Variants in CACNG6 observed in about 807,000 individuals in gnomAD.
CACNG6 encodes the protein calcium voltage-gated channel auxiliary subunit gamma 6.
A neutral mutation model predicts 23.9 loss-of-function variants in CACNG6; 21 were observed. The observed-to-expected ratio is 0.88, with a 90% CI of 0.62 to 1.26. The LOEUF is 1.26. Ranked by LOEUF, CACNG6 falls within the 50% of genes most tolerant of loss-of-function variation. CACNG6 has a pLI of 0.00. For missense variants in CACNG6, 340 were observed against 352.9 expected (o/e 0.96, Z 0.29); for synonymous variants, 182 against 168.9 (o/e 1.08, Z -0.60).
chr19:54,003,558 T>G (rs927248536), intron 3 of CACNG6, among the ~76,000 whole-genome samples: 7 of 151,922 alleles, frequency 4.6e-5, no homozygotes, highest in African/African-American at 1.5e-4. Flanking sequence ...ACTGGGTTTC[T>G]CCATGTTGGC....
In CACNG6 at chr19:53,992,835, C is replaced by T. The variant is rs1318162227; in HGVS notation, c.-43C>T. 2.2e-6 allele frequency: 3 copies of T among 1,335,350 alleles called. No individual in the cohort carries two copies. In the East Asian group the frequency reaches 8.5e-5, roughly 38 times the overall value. The allele number at this position is 1,335,350 out of a possible 1,614,324, so 82.7% of individuals were successfully genotyped here. A position where few individuals can be genotyped will look rare whatever the true frequency, so the allele number is the denominator to read the frequency against. ...CGCTCCCGCCCCTCGAGGCCCTTCG[C>T]CGGCTCTGCCTCCTCCCCCTTCCCG... On this transcript the variant is annotated 5_prime_UTR_variant, in exon 1 of 4. Coordinates refer to ENST00000252729, the MANE Select transcript of CACNG6 (RefSeq NM_145814.2). The surrounding 1 kb of genome is among the most constrained non-coding windows in gnomAD (Gnocchi z 4.1).
chr19:54,005,882 G>C (rs2069638583), intron 3 of CACNG6, among the ~76,000 whole-genome samples: 1 of 151,916 alleles, frequency 6.6e-6, no homozygotes, highest in Non-Finnish European at 1.5e-5. Flanking sequence ...TTAAGGCCAG[G>C]AGTTTGAGAC....
intron 3 of CACNG6, among the ~76,000 whole-genome samples, chr19:54,002,329 GC>G (rs1466606215): frequency 3.6e-5 from 5 of 139,982 alleles, no homozygotes; most frequent in Non-Finnish European, 6.0e-5. Flanking sequence ...TGTTGCCCAG[GC>G]TGGTCTCCAA....
chr19:53,996,863 A>ATTTTTTT (rs35192974), intron 1 of CACNG6, among the ~76,000 whole-genome samples: 28 of 98,562 alleles, frequency 2.8e-4, no homozygotes, highest in African/African-American at 3.9e-4. Flanking sequence ...GATCTTTGGG[A>ATTTTTTT]TTTTTTTTTT....
intron 3 of CACNG6, among the ~76,000 whole-genome samples, chr19:54,002,077 TTCTA>T (rs1331187896): frequency 6.6e-6 from 1 of 151,676 alleles, no homozygotes; most frequent in Non-Finnish European, 1.5e-5. Flanking sequence ...CTATGTCTCT[TTCTA>T]TCTCTCTCTT....
intron 3 of CACNG6, among the ~76,000 whole-genome samples, chr19:54,009,783 TAA>T (rs34786973): frequency 0.047 from 6,992 of 147,488 alleles, 509 homozygotes; most frequent in African/African-American, 0.15. Context: ...TTGCTTTTTT[TAA>T]AAAAAAAAAA....
chr19:53,997,758 TTC>T (rs902107314), intron 1 of CACNG6, among the ~76,000 whole-genome samples: 3 of 152,126 alleles, frequency 2.0e-5, no homozygotes, highest in Non-Finnish European at 4.4e-5. Context: ...GTCAACTGGG[TTC>T]TCTCTCTCTT....
At chr19:54,002,267 G>GTTTTTTTTTTTTTTTTTTT (rs138464456) in intron 3 of CACNG6, among the ~76,000 whole-genome samples, 1 of 131,932 alleles carries the variant, frequency 7.6e-6, no homozygotes, top group Non-Finnish European at 1.5e-5. Context: ...CTAATTTTCG[G>GTTTTTTTTTTTTTTTTTTT]TTTTTTTGTT....
Position 53,992,850 on chromosome 19 carries a change from C to A in CACNG6, c.-28C>A. On this transcript the variant is annotated 5_prime_UTR_variant, in exon 1 of 4. Coordinates refer to ENST00000252729, the MANE Select transcript of CACNG6 (RefSeq NM_145814.2). The surrounding 1 kb of genome is among the most constrained non-coding windows in gnomAD (Gnocchi z 4.1). ...AGGCCCTTCGCCGGCTCTGCCTCCT[C>A]CCCCTTCCCGACCCCACCGGCCATA... 7.3e-7 allele frequency: 1 copy of A among 1,363,438 alleles called. No individual in the cohort carries two copies. The allele number at this position is 1,363,438 out of a possible 1,614,324, so 84.5% of individuals were successfully genotyped here.
intron 3 of CACNG6, among the ~76,000 whole-genome samples, chr19:54,007,216 C>A (rs148342750): frequency 0.011 from 1,617 of 152,076 alleles, 17 homozygotes; most frequent in African/African-American, 0.036. Flanking sequence ...GCCTGGCTAA[C>A]TTTTGTATTT....
rs1418440455 is a variant in CACNG6 at position 53,992,874 on chromosome 19, T to G, written c.-4T>G. Reference sequence around the variant, plus strand: ...TCCCCCTTCCCGACCCCACCGGCCATAAGATGATGTGGTCCAACTTCTTCC... The same window carrying G: ...TCCCCCTTCCCGACCCCACCGGCCAGAAGATGATGTGGTCCAACTTCTTCC... On this transcript the variant is annotated 5_prime_UTR_variant, in exon 1 of 4. Coordinates refer to ENST00000252729, the MANE Select transcript of CACNG6 (RefSeq NM_145814.2). The surrounding 1 kb of genome is among the most constrained non-coding windows in gnomAD (Gnocchi z 4.1). 2 of 1,388,734 alleles carry G rather than the reference T, an allele frequency of 1.4e-6. No homozygotes were observed. The highest frequency in any genetic ancestry group is 3.0e-5 in the African/African-American group (2 of 66,522). 86.0% of individuals were successfully genotyped at this position (1,388,734 alleles called of 1,614,324 possible).
rs35192974 is a variant in CACNG6, at chr19:53,996,863, A to ATTTTT, written c.332-1357_332-1353dup. ...CTATTGATTTTGTCTGATCTTTGGG[A>ATTTTT]TTTTTTTTTTTTTTTTTTTTTTTGA... On this transcript the variant is annotated intron_variant, in intron 1 of 3. Transcript: ENST00000252729. 5.1e-4 allele frequency among the ~76,000 whole-genome samples: 50 copies of ATTTTT among 98,546 alleles called. 1 individual carries two copies. The highest frequency in any genetic ancestry group is 6.1e-4 in the African/African-American group (14 of 22,904). 64.7% of individuals were successfully genotyped at this position (98,546 alleles called of 152,430 possible). A position where few individuals can be genotyped will look rare whatever the true frequency, so the allele number is the denominator to read the frequency against.
chr19:54,010,036 C>CTTTTTTTTTTTTTTT (rs199976621), intron 3 of CACNG6, among the ~76,000 whole-genome samples: 2 of 97,920 alleles, frequency 2.0e-5, no homozygotes, highest in African/African-American at 4.0e-5. Flanking sequence ...TATTTCTTTT[C>CTTTTTTTTTTTTTTT]TTTCTTTTTT....
rs58054808 is a variant in CACNG6, at chr19:54,011,205, A to AAATATAT, written c.545-745_545-744insATATATA. 2.0e-3 allele frequency among the ~76,000 whole-genome samples: 200 copies of AAATATAT among 102,434 alleles called. 4 individuals are homozygous for AAATATAT. The East Asian group carries it at 0.023, about 12-fold the overall frequency. 67.2% of individuals were successfully genotyped at this position (102,434 alleles called of 152,430 possible). On this transcript the variant is annotated intron_variant, in intron 3 of 3. Coordinates refer to ENST00000252729, the MANE Select transcript of CACNG6 (RefSeq NM_145814.2). Reference sequence around the variant, plus strand: ...CCGTCTCTACTAAAAAAAAAAAAAAAATATATATATATATATATATATACA... The same window carrying AAATATAT: ...CCGTCTCTACTAAAAAAAAAAAAAAAAATATATATATATATATATATATATATATACA...
rs2069540087 is a variant in CACNG6 at position 53,998,230 on chromosome 19, C to T, written c.332-9C>T. ...CCTCATGTCTGTTTTCTCTCTCCTG[C>T]TCCCACAGAAGCAAACTGCACCTAT... On this transcript the variant is annotated splice_polypyrimidine_tract_variant and intron_variant, in intron 1 of 3. Transcript: ENST00000252729. The T allele has an allele frequency of 5.0e-6, 8 of 1,612,980 alleles. No homozygotes were observed. Among genetic ancestry groups the T allele is most frequent in the Non-Finnish European group, 5.1e-6 (6 of 1,179,126 alleles).
intron 2 of CACNG6, 58 bp from the exon 3 acceptor site, chr19:53,999,576 A>C: frequency 6.3e-7 from 1 of 1,581,454 alleles, no homozygotes; most frequent in Non-Finnish European, 8.6e-7. Flanking sequence ...CTATGGGTGA[A>C]TCCTCCTCAT....
intron 3 of CACNG6, among the ~76,000 whole-genome samples, chr19:54,001,210 CAG>C (rs1386825933): frequency 4.1e-5 from 6 of 145,340 alleles, no homozygotes; most frequent in African/African-American, 1.6e-4. Context: ...TTTTTTGAGA[CAG>C]AGTTTCGCTC....
chr19:54,006,435 T>C (rs1047953813), intron 3 of CACNG6, among the ~76,000 whole-genome samples: 1 of 152,016 alleles, frequency 6.6e-6, no homozygotes, highest in East Asian at 1.9e-4. Flanking sequence ...GCTTCTCTTC[T>C]TGTCTTGTAA....
At chr19:54,008,086 C>T (rs1480697119) in intron 3 of CACNG6, among the ~76,000 whole-genome samples, 1 of 152,056 alleles carries the variant, frequency 6.6e-6, no homozygotes, top group Non-Finnish European at 1.5e-5. Flanking sequence ...TGGCTGGGCA[C>T]GGTGGCTCAG....
Sources: allele counts gnomAD v4.1 joint callset (sites outside exome capture counted in the v4.1 genomes callset), GRCh38; gene constraint gnomAD v4.1.1; non-coding constraint Gnocchi (gnomAD v3.1); transcripts MANE v1.5; gene names NCBI Gene and HGNC (gene_info 2026-07-23, HGNC 2026-07-21).